Variants in CCR7 observed in about 807,000 individuals in gnomAD.
CCR7 encodes the protein C-C chemokine receptor type 7.
In CCR7, 11 loss-of-function variants were observed where a neutral mutation model predicts 26.0. That is an observed-to-expected ratio of 0.42 (90% CI 0.27 to 0.70). CCR7 has a LOEUF of 0.70. CCR7 is among the 30% of genes least tolerant of loss of function. The pLI is 0.23. For synonymous variants in CCR7, 189 were observed against 202.1 expected (o/e 0.94, Z 0.55); for missense variants, 360 against 504.0 (o/e 0.71, Z 2.74).
intron 1 of CCR7, among the ~76,000 whole-genome samples, chr17:40,559,964 G>A (rs771298668): frequency 6.6e-6 from 1 of 151,882 alleles, no homozygotes; most frequent in Non-Finnish European, 1.5e-5. Context: ...CCTTTAACTT[G>A]TTTTCTAACT....
rs567066791 is a variant in CCR7, at chr17:40,555,957, G to C, written c.61-139C>G. 1.6e-6 allele frequency: 1 copy of C among 607,806 alleles called. No homozygotes were observed. Among genetic ancestry groups the C allele is most frequent in the Non-Finnish European group, 2.9e-6 (1 of 350,132 alleles). The allele number at this position is 607,806 out of a possible 1,614,324, so 37.7% of individuals were successfully genotyped here. ...GTCTCACTCTGTTGCCCAGGCTGGA[G>C]TGCAGTGGTGCAATCATGGCTCCCT... On this transcript the variant is annotated intron_variant, in intron 2 of 2. Coordinates refer to ENST00000246657, the MANE Select transcript of CCR7 (RefSeq NM_001838.4). The surrounding 1 kb of genome is among the most constrained non-coding windows in gnomAD (Gnocchi z 5.6).
At chr17:40,559,361 T>TA (rs1198646921) in intron 1 of CCR7, among the ~76,000 whole-genome samples, 1 of 152,120 alleles carries the variant, frequency 6.6e-6, no homozygotes, top group Non-Finnish European at 1.5e-5. Context: ...GGTCGTGGGG[T>TA]AGGTGCACAC....
chr17:40,556,962 C>G (rs1490492021), intron 2 of CCR7, among the ~76,000 whole-genome samples: 2 of 152,096 alleles, frequency 1.3e-5, no homozygotes, highest in Non-Finnish European at 2.9e-5. Context: ...CAACGTGAGC[C>G]CAAGTGCCAT....
In CCR7 at chr17:40,554,904, C is replaced by G. The variant is rs2036564228; in HGVS notation, c.975G>C (p.Leu325Phe). Reference sequence around the variant, plus strand: ...GGAACTTGACGCCGATGAAGGCGTACAAGAAAGGGTTGACGCAGCAGCGGA... The same window carrying G: ...GGAACTTGACGCCGATGAAGGCGTAGAAGAAAGGGTTGACGCAGCAGCGGA... Reference protein sequence around the residue: ...ACVRCCVNPFLYAFIGVKFRN... With the variant: ...ACVRCCVNPFFYAFIGVKFRN... The change falls in exon 3 of 3, where the codon TTG becomes TTC. Residue 325 changes from leucine to phenylalanine, a missense_variant. Leu to Phe is a conservative substitution (Grantham distance 22). Coordinates refer to ENST00000246657, the MANE Select transcript of CCR7 (RefSeq NM_001838.4). The G allele has an allele frequency of 6.2e-7, 1 of 1,614,038 alleles. No homozygotes were observed. Among genetic ancestry groups the G allele is most frequent in the Non-Finnish European group, 8.5e-7 (1 of 1,180,046 alleles).
At chr17:40,561,790 T>A (rs2036658420) in intron 1 of CCR7, among the ~76,000 whole-genome samples, 1 of 151,798 alleles carries the variant, frequency 6.6e-6, no homozygotes, top group African/African-American at 2.4e-5. Flanking sequence ...AACTTTTCTC[T>A]CTCTCTCTTT....
rs2143901051 is a variant in CCR7, at chr17:40,554,400, C to T, written c.*342G>A. 1.1e-5 allele frequency: 3 copies of T among 268,096 alleles called. No homozygotes were observed. The South Asian group carries it at 1.9e-4, about 17-fold the overall frequency. The allele number at this position is 268,096 out of a possible 1,614,324, so 16.6% of individuals were successfully genotyped here. On this transcript the variant is annotated 3_prime_UTR_variant, in exon 3 of 3. Coordinates refer to ENST00000246657, the MANE Select transcript of CCR7 (RefSeq NM_001838.4). ...ATTCAGAGGACTCTTCAGGCCACTC[C>T]CACGCCCCTTGCACTCACCCTCCTT... is the stretch of plus-strand genomic sequence containing the variant.
At chr17:40,564,144 G>T (rs1355257947) in intron 1 of CCR7, among the ~76,000 whole-genome samples, 1 of 152,142 alleles carries the variant, frequency 6.6e-6, no homozygotes, top group Non-Finnish European at 1.5e-5. Context: ...GGGTAGATTG[G>T]CTGGGAAATG....
chr17:40,557,967 G>A (rs2036611230), intron 2 of CCR7, among the ~76,000 whole-genome samples: 1 of 152,180 alleles, frequency 6.6e-6, no homozygotes, highest in Non-Finnish European at 1.5e-5. Flanking sequence ...AGTGGTGATG[G>A]GGAAGGGGGC....
chr17:40,563,903 A>G (rs1376445850), intron 1 of CCR7, among the ~76,000 whole-genome samples: 2 of 152,052 alleles, frequency 1.3e-5, no homozygotes, highest in Non-Finnish European at 2.9e-5. Flanking sequence ...ACACCATGGA[A>G]ATTGGCAAGC....
At chr17:40,563,489 A>G (rs1366518797) in intron 1 of CCR7, among the ~76,000 whole-genome samples, 1 of 152,076 alleles carries the variant, frequency 6.6e-6, no homozygotes, top group Non-Finnish European at 1.5e-5. Flanking sequence ...ACCGTGAAAA[A>G]GGCCAGCTCA....
chr17:40,557,267 G>A (rs77006096), intron 2 of CCR7, among the ~76,000 whole-genome samples: 2 of 152,318 alleles, frequency 1.3e-5, no homozygotes, highest in East Asian at 3.9e-4. Context: ...TGCGCACAGC[G>A]ATGGACGGGT....
intron 1 of CCR7, among the ~76,000 whole-genome samples, chr17:40,563,940 C>A (rs919881611): frequency 7.2e-5 from 11 of 152,244 alleles, no homozygotes; most frequent in African/African-American, 2.2e-4. Context: ...TTTCCCTCCA[C>A]CCTGGAGTCA....
At chr17:40,558,464 AG>A (rs1419289933) in intron 2 of CCR7, among the ~76,000 whole-genome samples, 1 of 152,140 alleles carries the variant, frequency 6.6e-6, no homozygotes, top group African/African-American at 2.4e-5. Flanking sequence ...CTTTGGGTGA[AG>A]GTTGGAAAGA....
rs1204188966 is a variant in CCR7 at position 40,555,732 on chromosome 17, G to A, written c.147C>T (p.Ser49=). 22 of 1,614,010 alleles carry A rather than the reference G, an allele frequency of 1.4e-5. No homozygotes were observed. The highest frequency in any genetic ancestry group is 1.6e-5 in the Non-Finnish European group (19 of 1,180,020). The change falls in exon 3 of 3, where the codon TCC becomes TCT. Residue 49 remains serine (S), a synonymous_variant. Transcript: ENST00000246657. This position sits in a 1 kb window ranked among gnomAD's most constrained non-coding sequence, Gnocchi z 5.6. The part of the protein sequence containing the change: ...VDYTLFESLC[S]KKDVRNFKAW... ...CTTTAAAGTTCCGCACGTCCTTCTT[G>A]GAGCACAAAGACTCGAACAAAGTGT...
intron 1 of CCR7, among the ~76,000 whole-genome samples, chr17:40,564,745 C>T (rs528193612): frequency 9.8e-5 from 15 of 152,332 alleles, no homozygotes; most frequent in Non-Finnish European, 1.9e-4. Flanking sequence ...AAGCTGAGTG[C>T]CCCTTGCCAT....
intron 1 of CCR7, among the ~76,000 whole-genome samples, chr17:40,564,770 C>T (rs906460152): frequency 6.6e-6 from 1 of 152,204 alleles, no homozygotes; most frequent in Non-Finnish European, 1.5e-5. Context: ...TTCCATGTTG[C>T]CTGCCCGTTC....
At chr17:40,563,559 G>T (rs1339132061) in intron 1 of CCR7, among the ~76,000 whole-genome samples, 1 of 152,012 alleles carries the variant, frequency 6.6e-6, no homozygotes, top group Non-Finnish European at 1.5e-5. Flanking sequence ...CCCACCTCTT[G>T]CTCCTTGCTG....
In CCR7 at chr17:40,564,937, A is replaced by G. The variant is rs569572216; in HGVS notation, c.10+463T>C. Among the ~76,000 whole-genome samples, 8 of 152,330 alleles carry G rather than the reference A, an allele frequency of 5.3e-5. No individual in the cohort carries two copies. The South Asian group carries it at 1.7e-3, about 32-fold the overall frequency. ...TCCTCATGACCCCAAGTGGACAGGT[A>G]TATGAATATTTGGCAGGGGAGAAAG... On this transcript the variant is annotated intron_variant, in intron 1 of 2. Coordinates refer to ENST00000246657, the MANE Select transcript of CCR7 (RefSeq NM_001838.4).
At chr17:40,561,211 G>A (rs548798609) in intron 1 of CCR7, among the ~76,000 whole-genome samples, 1 of 152,362 alleles carries the variant, frequency 6.6e-6, no homozygotes, top group African/African-American at 2.4e-5. Context: ...CACTCCTGCT[G>A]TTCCCGTCAG....
Sources: gnomAD v4.1 joint callset for allele counts (sites outside exome capture counted in the v4.1 genomes callset) on GRCh38, gnomAD v4.1.1 for gene constraint, Gnocchi (gnomAD v3.1) non-coding constraint, MANE v1.5 for transcripts, NCBI Gene and HGNC (gene_info 2026-07-23, HGNC 2026-07-21) for gene names.